Variants in CDC25C observed in about 807,000 individuals in gnomAD.
CDC25C encodes cell division cycle 25C.
In CDC25C, 48 loss-of-function variants were observed where a neutral mutation model predicts 52.5. The observed-to-expected ratio is 0.91, with a 90% confidence interval of 0.72 to 1.16. The LOEUF (loss-of-function observed/expected upper bound fraction) is 1.16, where lower values mean the gene tolerates loss of function less well. Ranked by LOEUF, CDC25C falls within the 50% of genes most tolerant of loss-of-function variation. The pLI is 0.00. For missense variants in CDC25C, 510 were observed against 566.1 expected, an observed-to-expected ratio of 0.90 and a Z score of 1.01; for synonymous variants, 187 against 206.5, an observed-to-expected ratio of 0.91 and a Z score of 0.81.
intron 1 of CDC25C, chr5:138,337,670 C>T: frequency 3.1e-6 from 1 of 320,862 alleles, no homozygotes; most frequent in South Asian, 2.5e-5. Context: ...CATTATAAGT[C>T]CTGGGTTTTT....
intron 11 of CDC25C, 28 bp from the exon 12 acceptor site, chr5:138,286,658 TTCCTCAGG>T (rs747974535): frequency 5.0e-6 from 8 of 1,598,230 alleles, no homozygotes; most frequent in Non-Finnish European, 6.8e-6. Context: ...TAGTAAGTAT[TTCCTCAGG>T]GGCTTATAGA....
At chr5:138,287,441 T>G (rs1020039083) in intron 10 of CDC25C, among the ~76,000 whole-genome samples, 174 bp from the exon 11 acceptor site, 8 of 152,112 alleles carry the variant, frequency 5.3e-5, no homozygotes, top group Non-Finnish European at 1.2e-4. Context: ...CAAAAGAGAA[T>G]GAAACAGGAA....
At chr5:138,329,165 A>G (rs1760133808) in intron 3 of CDC25C, among the ~76,000 whole-genome samples, 2 of 152,134 alleles carry the variant, frequency 1.3e-5, no homozygotes, top group Non-Finnish European at 2.9e-5. Flanking sequence ...GCCCTCCCAA[A>G]GTGCTGGGAT....
intron 7 of CDC25C, among the ~76,000 whole-genome samples, chr5:138,315,452 T>G (rs933087951): frequency 7.2e-5 from 11 of 152,156 alleles, no homozygotes; most frequent in Admixed American, 6.5e-5. Context: ...TACAAACTGC[T>G]CTTTAAATTT....
At chr5:138,315,427 A>G (rs1250175866) in intron 7 of CDC25C, among the ~76,000 whole-genome samples, 1 of 152,218 alleles carries the variant, frequency 6.6e-6, no homozygotes. Flanking sequence ...TGTGGATAAC[A>G]GAGGACTACT....
chr5:138,325,184 AAAG>A (rs1759752771), intron 6 of CDC25C, among the ~76,000 whole-genome samples: 1 of 152,250 alleles, frequency 6.6e-6, no homozygotes, highest in South Asian at 2.1e-4. Context: ...CAATGTAAGA[AAAG>A]AAGAGCAGCT....
chr5:138,304,411 T>C (rs1209356322), intron 7 of CDC25C, among the ~76,000 whole-genome samples: 1 of 150,028 alleles, frequency 6.7e-6, no homozygotes, highest in Non-Finnish European at 1.5e-5. Context: ...CATCCATTTC[T>C]CTGTCTCCAT....
In CDC25C at chr5:138,305,244, GCAAA is replaced by G; in HGVS notation, c.616-13132_616-13129del. Among the ~76,000 whole-genome samples, 3 of 152,248 alleles carry G rather than the reference GCAAA, an allele frequency of 2.0e-5. No homozygotes were observed. In the South Asian group the frequency reaches 6.2e-4, roughly 32 times the overall value. ...ATATCCTAGAACATTCTAGTCCCAG[GCAAA>G]CAGAGAGTTCATCACCCGATTCTTA... On this transcript the variant is annotated intron_variant, in intron 7 of 13. Transcript: ENST00000323760.
intron 7 of CDC25C, among the ~76,000 whole-genome samples, chr5:138,294,024 A>AT (rs36022580): frequency 0.42 from 53,155 of 125,954 alleles, 13,459 homozygotes; most frequent in South Asian, 0.69. Context: ...TTTTCTTTGG[A>AT]TTTTTTTTTT....
upstream of CDC25C, among the ~76,000 whole-genome samples, chr5:138,334,652 A>G (rs1760597627): frequency 6.6e-6 from 1 of 152,230 alleles, no homozygotes; most frequent in South Asian, 2.1e-4. Context: ...ATGCCCAGCC[A>G]ACAAAACTCT....
chr5:138,333,235 C>T (rs563060439), upstream of CDC25C, among the ~76,000 whole-genome samples: 2 of 152,248 alleles, frequency 1.3e-5, no homozygotes, highest in South Asian at 2.1e-4. Flanking sequence ...GCTCCAAAAA[C>T]GATAATTCGA....
intron 1 of CDC25C, chr5:138,337,701 A>G: frequency 3.0e-6 from 1 of 332,534 alleles, no homozygotes; most frequent in East Asian, 9.3e-5. Flanking sequence ...CCGATCCGGC[A>G]GCTGCAAGAG....
intron 7 of CDC25C, among the ~76,000 whole-genome samples, chr5:138,292,480 C>CAAAAAAAA (rs70982703): frequency 6.8e-4 from 43 of 63,474 alleles, no homozygotes; most frequent in East Asian, 1.4e-3. Context: ...GTTATGTGAC[C>CAAAAAAAA]AAAAAAAAAA....
chr5:138,318,463 C>T (rs992661601), intron 7 of CDC25C, among the ~76,000 whole-genome samples: 1 of 152,142 alleles, frequency 6.6e-6, no homozygotes. Context: ...CTTGCAATCC[C>T]AGCACTTTGG....
rs747959873 is a variant in CDC25C, at chr5:138,331,034, T to C, written c.147A>G (p.Pro49=). ...FTVCPDVPRT[P]VGKFLGDSAN... is the part of the protein sequence containing the mutation. Reference sequence around the variant, plus strand: ...CAGAATCACCAAGAAATTTGCCCACTGGAGTTCTAGGGACATCTGGACAGA... The same window carrying C: ...CAGAATCACCAAGAAATTTGCCCACCGGAGTTCTAGGGACATCTGGACAGA... The change falls in exon 2 of 14, where the codon CCA becomes CCG. Residue 49 remains proline (P), a synonymous_variant. Transcript: ENST00000323760. 1.2e-6 allele frequency: 2 copies of C among 1,614,168 alleles called. No homozygotes were observed. The highest frequency in any genetic ancestry group is 1.7e-6 in the Non-Finnish European group (2 of 1,179,988).
intron 7 of CDC25C, among the ~76,000 whole-genome samples, chr5:138,305,955 T>A (rs1757973237): frequency 6.6e-6 from 1 of 152,164 alleles, no homozygotes. Flanking sequence ...GTAGAGAATA[T>A]ACTAGGTGGT....
At chr5:138,309,848 A>C (rs1758311227) in intron 7 of CDC25C, among the ~76,000 whole-genome samples, 1 of 151,538 alleles carries the variant, frequency 6.6e-6, no homozygotes, top group Non-Finnish European at 1.5e-5. Context: ...CTGGGATTAC[A>C]GGCACCTGCC....
At chr5:138,320,680 G>C (rs1759295878) in intron 6 of CDC25C, among the ~76,000 whole-genome samples, 1 of 151,698 alleles carries the variant, frequency 6.6e-6, no homozygotes, top group Non-Finnish European at 1.5e-5. Context: ...AAATTAGGTT[G>C]AGGTGGGCAG....
In CDC25C at chr5:138,328,500, C is replaced by G; in HGVS notation, c.319G>C (p.Val107Leu). Residue 107 changes from valine (V) to leucine (L), a missense_variant, in exon 4 of 14, where the codon GTG becomes CTG. Transcript: ENST00000323760. ...AGAACTTACATCCCAGCTAAATGCA[C>G]TTCCTGAAGTCCTGAAGAATCCAGG... ...GHLDSSGLQE[V>L]HLAGMNHDQH... 6.2e-7 allele frequency: 1 copy of G among 1,613,994 alleles called. No homozygotes were observed. Among genetic ancestry groups the G allele is most frequent in the Non-Finnish European group, 8.5e-7 (1 of 1,179,888 alleles).
Sources: allele counts gnomAD v4.1 joint callset (sites outside exome capture counted in the v4.1 genomes callset), GRCh38; gene constraint gnomAD v4.1.1; transcripts MANE v1.5; gene names NCBI Gene and HGNC (gene_info 2026-07-23, HGNC 2026-07-21).